Variants in FZR1 observed in about 807,000 individuals in gnomAD.
FZR1 encodes the protein fizzy-related protein homolog.
In FZR1, 11 loss-of-function variants were observed where a neutral mutation model predicts 63.6. The observed-to-expected ratio is 0.17, with a 90% CI of 0.11 to 0.29. FZR1 has a LOEUF of 0.29. Among genes scored for constraint, FZR1 ranks in the 10% least tolerant of loss-of-function variants. The pLI is 1.00. For missense variants in FZR1, 440 were observed against 687.5 expected (o/e 0.64, Z 4.03); for synonymous variants, 328 against 297.9 (o/e 1.10, Z -1.04).
Position 3,516,889 on chromosome 19 carries a change from G to T in FZR1, c.-34-6067G>T, listed in dbSNP as rs551897122. ...TGTCAGGTGCAGCCATGTGCTGCTG[G>T]GCAGCGATGTGTGCCAGGGGCCGTG... On this transcript the variant is annotated intron_variant, in intron 1 of 13. Transcript: ENST00000441788. The surrounding 1 kb of genome is among the most constrained non-coding windows in gnomAD (Gnocchi z 6.0). Among the ~76,000 whole-genome samples the T allele has an allele frequency of 8.5e-5, 13 of 152,350 alleles. No homozygotes were observed. The highest frequency in any genetic ancestry group is 3.4e-3 in the Middle Eastern group (1 of 294).
chr19:3,533,353 C>T lies in FZR1; in HGVS notation c.1302C>T (p.Thr434=). The T allele has an allele frequency of 6.2e-7, 1 of 1,613,052 alleles. No individual in the cohort carries two copies. Among genetic ancestry groups the T allele is most frequent in the Non-Finnish European group, 8.5e-7 (1 of 1,179,758 alleles). Residue 434 remains threonine, a synonymous_variant, in exon 12 of 14, where the codon ACC becomes ACT. Transcript: ENST00000441788. This position sits in a 1 kb window ranked among gnomAD's most constrained non-coding sequence, Gnocchi z 4.9. ...TTGTCTGGAAGTACCCCTCCCTGAC[C>T]CAGGTGGCCAAGCTGACCGGGCACT... is the stretch of plus-strand genomic sequence containing the variant. ...QILVWKYPSL[T]QVAKLTGHSY...
rs371114437 is a variant in FZR1, at chr19:3,533,431, G to A, written c.1347+33G>A. The A allele has an allele frequency of 1.0e-5, 14 of 1,384,806 alleles. No homozygotes were observed. The highest frequency in any genetic ancestry group is 1.8e-4 in the Middle Eastern group (1 of 5,648). 85.8% of individuals were successfully genotyped at this position (1,384,806 alleles called of 1,614,324 possible). A position where few individuals can be genotyped will look rare whatever the true frequency, so the allele number is the denominator to read the frequency against. On this transcript the variant is annotated intron_variant, in intron 12 of 13. Coordinates refer to ENST00000441788, the MANE Select transcript of FZR1 (RefSeq NM_016263.4). This position sits in a 1 kb window ranked among gnomAD's most constrained non-coding sequence, Gnocchi z 4.9. ...CACGCCAGGCACTTCAAGGTGCCCC[G>A]GGATTCTGGACAAACTGCCATGGCC...
chr19:3,513,186 A>C (rs1347167768), intron 1 of FZR1, among the ~76,000 whole-genome samples: 1 of 151,272 alleles, frequency 6.6e-6, no homozygotes, highest in African/African-American at 2.4e-5. Flanking sequence ...TAGCCAGCCC[A>C]CCCCCTGGCT....
intron 1 of FZR1, among the ~76,000 whole-genome samples, chr19:3,513,655 G>C (rs2083038791): frequency 6.6e-6 from 1 of 152,192 alleles, no homozygotes; most frequent in Non-Finnish European, 1.5e-5. Flanking sequence ...TGTGTGTTCT[G>C]ATGCTCTGCC....
intron 8 of FZR1, 117 bp from the exon 9 acceptor site, chr19:3,531,597 T>G: frequency 1.5e-6 from 1 of 684,102 alleles, no homozygotes. Flanking sequence ...CGAGAGTCGT[T>G]AGGGAAACCG....
rs1372740919 is a variant in FZR1 at position 3,532,017 on chromosome 19, G to A, written c.930G>A (p.Gln310=). 1.3e-6 allele frequency: 2 copies of A among 1,553,538 alleles called. No individual in the cohort carries two copies. The highest frequency in any genetic ancestry group is 1.2e-5 in the South Asian group (1 of 85,290). ...CACTGCAGTCGGAGCGGCGGCTGCAGGGCCACCGGCAGGAGGTGTGCGGGC... is the reference window on the plus strand; with the variant it reads ...CACTGCAGTCGGAGCGGCGGCTGCAAGGCCACCGGCAGGAGGTGTGCGGGC... ...TPPLQSERRL[Q]GHRQEVCGLK... Residue 310 remains glutamine, a synonymous_variant, in exon 10 of 14, where the codon CAG becomes CAA. Transcript: ENST00000441788.
Position 3,534,840 on chromosome 19 carries a change from T to G in FZR1, c.*4T>G, listed in dbSNP as rs768604466. On this transcript the variant is annotated 3_prime_UTR_variant, in exon 14 of 14. Transcript: ENST00000441788. ...CCTCTTCACCAGGATCCGGTAAACC[T>G]GCCGGGCAGGACCGTGCCACACCAG... 33 of 1,611,724 alleles carry G rather than the reference T, an allele frequency of 2.0e-5. No individual in the cohort carries two copies. The South Asian group carries it at 3.6e-4, about 18-fold the overall frequency.
rs2083268483 is a variant in FZR1 at position 3,533,530 on chromosome 19, A to G, written c.1347+132A>G. ...CTAAAACCCCGTGGGACCCAGCAGC[A>G]GGGGCCGGCAGGGCATCTGGTGCTG... is the stretch of plus-strand genomic sequence containing the variant. On this transcript the variant is annotated intron_variant, in intron 12 of 13. Coordinates refer to ENST00000441788, the MANE Select transcript of FZR1 (RefSeq NM_016263.4). The surrounding 1 kb of genome is among the most constrained non-coding windows in gnomAD (Gnocchi z 4.9). 2 of 623,058 alleles carry G rather than the reference A, an allele frequency of 3.2e-6. No homozygotes were observed. The highest frequency in any genetic ancestry group is 3.7e-5 in the South Asian group (2 of 54,068). The allele number at this position is 623,058 out of a possible 1,614,324, so 38.6% of individuals were successfully genotyped here. A position where few individuals can be genotyped will look rare whatever the true frequency, so the allele number is the denominator to read the frequency against.
chr19:3,508,925 G>A (rs991071337), intron 1 of FZR1, among the ~76,000 whole-genome samples: 6 of 152,140 alleles, frequency 3.9e-5, no homozygotes, highest in Non-Finnish European at 5.9e-5. Flanking sequence ...TCCCCGCTCC[G>A]CCTCCGGCCT....
Position 3,527,385 on chromosome 19 carries a change from G to A in FZR1, c.471-246G>A, listed in dbSNP as rs982657255. Among the ~76,000 whole-genome samples the A allele has an allele frequency of 2.0e-5, 3 of 152,184 alleles. No homozygotes were observed. In the South Asian group the frequency reaches 6.2e-4, roughly 31 times the overall value. On this transcript the variant is annotated intron_variant, in intron 6 of 13. Transcript: ENST00000441788. Reference sequence around the variant, plus strand: ...AGACAAGGGGCAGGGTAGTCAGGAAGGGCTGCCTGGAGGAGGTGTGGGGAG... The same window carrying A: ...AGACAAGGGGCAGGGTAGTCAGGAAAGGCTGCCTGGAGGAGGTGTGGGGAG...
intron 1 of FZR1, 76 bp from the exon 2 acceptor site, chr19:3,522,880 G>A (rs2083115749): frequency 1.3e-6 from 1 of 780,322 alleles, no homozygotes; most frequent in Non-Finnish European, 2.3e-6. Context: ...CCCAGGGCCT[G>A]GAGGTGCAGG....
chr19:3,534,305 C>G (rs2083275896), intron 12 of FZR1, 116 bp from the exon 13 acceptor site: 2 of 574,468 alleles, frequency 3.5e-6, no homozygotes, highest in Non-Finnish European at 6.3e-6. Context: ...CTCCTGGCTC[C>G]AGAGTCTGGG....
In FZR1 at chr19:3,532,463, C is replaced by T. The variant is rs752977280; in HGVS notation, c.1055C>T (p.Thr352Met). 22 of 1,602,428 alleles carry T rather than the reference C, an allele frequency of 1.4e-5. No homozygotes were observed. Among genetic ancestry groups the T allele is most frequent in the East Asian group, 6.7e-5 (3 of 44,584 alleles). Reference sequence around the variant, plus strand: ...AGCCTGAGCCCCGTGCAGCAGTACACGGAGCACCTGGCGGCCGTGAAGGCC... The same window carrying T: ...AGCCTGAGCCCCGTGCAGCAGTACATGGAGCACCTGGCGGCCGTGAAGGCC... ...HSSLSPVQQY[T>M]EHLAAVKAIA... The change falls in exon 11 of 14, where the codon ACG becomes ATG. Residue 352 changes from threonine (T) to methionine (M), a missense_variant. By Grantham distance (81) the Thr-to-Met change is moderately conservative (BLOSUM62 -1). Around this residue, in one of 5 missense-constraint regions of FZR1, gnomAD observed 208 missense variants for 363.6 expected, o/e 0.57. Coordinates refer to ENST00000441788, the MANE Select transcript of FZR1 (RefSeq NM_016263.4).
At chr19:3,531,618 C>T (rs562646218) in intron 8 of FZR1, 96 bp from the exon 9 acceptor site, 2 of 796,564 alleles carry the variant, frequency 2.5e-6, no homozygotes, top group South Asian at 1.7e-5. Flanking sequence ...TCCCAGAGCC[C>T]TGGTGAGGAG....
intron 1 of FZR1, among the ~76,000 whole-genome samples, chr19:3,517,817 G>T (rs2083069405): frequency 6.6e-6 from 1 of 151,866 alleles, no homozygotes; most frequent in African/African-American, 2.4e-5. Context: ...AACAAAAAAG[G>T]GTCATCTGAA....
Position 3,530,865 on chromosome 19 carries a change from C to T in FZR1, c.720+8C>T. 1.2e-6 allele frequency: 2 copies of T among 1,608,798 alleles called. No individual in the cohort carries two copies. Among genetic ancestry groups the T allele is most frequent in the African/African-American group, 1.3e-5 (1 of 74,880 alleles). ...GTGGGCTGGTCTGAGCGGGTGAGTG[C>T]AGAGGGCTTGGCCCCCACCTGGGAG... On this transcript the variant is annotated splice_region_variant and intron_variant, in intron 8 of 13. Transcript: ENST00000441788.
intron 1 of FZR1, among the ~76,000 whole-genome samples, chr19:3,517,538 A>G (rs2083067510): frequency 6.6e-6 from 1 of 151,884 alleles, no homozygotes; most frequent in African/African-American, 2.4e-5. Flanking sequence ...AATACAAAAA[A>G]ATAGCTGGGT....
In FZR1 at chr19:3,515,093, C is replaced by A. The variant is rs530489101; in HGVS notation, c.-34-7863C>A. On this transcript the variant is annotated intron_variant, in intron 1 of 13. Transcript: ENST00000441788. This position sits in a 1 kb window ranked among gnomAD's most constrained non-coding sequence, Gnocchi z 4.6. The stretch of plus-strand genomic sequence containing the variant: ...ACCAGGGCAACCAAGCTGCAGGTGT[C>A]GGCCACACAGGCAGAGCCACAGCAG... Among the ~76,000 whole-genome samples the A allele has an allele frequency of 6.6e-6, 1 of 152,190 alleles. No individual in the cohort carries two copies. Among genetic ancestry groups the A allele is most frequent in the African/African-American group, 2.4e-5 (1 of 41,444 alleles).
intron 1 of FZR1, among the ~76,000 whole-genome samples, chr19:3,521,612 C>T (rs1052737897): frequency 5.3e-5 from 8 of 152,124 alleles, no homozygotes; most frequent in Non-Finnish European, 4.4e-5. Flanking sequence ...AGCGCTCCTC[C>T]TGCCTCAGCC....
Sources: allele counts gnomAD v4.1 joint callset (sites outside exome capture counted in the v4.1 genomes callset), GRCh38; gene constraint gnomAD v4.1.1; regional missense constraint gnomAD v4.1.1; non-coding constraint Gnocchi (gnomAD v3.1); transcripts MANE v1.5; gene names NCBI Gene and HGNC (gene_info 2026-07-23, HGNC 2026-07-21).